The following FAIM variants were observed in gnomAD, a reference collection of about 807,000 sequenced individuals.
FAIM encodes Fas apoptotic inhibitory molecule.
Under a neutral mutation model 21.2 loss-of-function variants are expected in FAIM, and 14 were observed. That is an observed-to-expected ratio of 0.66 (90% CI 0.44 to 1.03). The LOEUF (loss-of-function observed/expected upper bound fraction) is 1.03, where lower values mean the gene tolerates loss of function less well. FAIM is among the 50% of genes least tolerant of loss of function. The pLI, the probability that FAIM is intolerant of heterozygous loss-of-function variation, is 0.00. For synonymous variants in FAIM, 86 were observed against 80.4 expected (o/e 1.07, Z -0.37); for missense variants, 222 against 247.1 (o/e 0.90, Z 0.68).
At chr3:138,609,551 T>A (rs1314392405) in intron 1 of FAIM, among the ~76,000 whole-genome samples, 2 of 69,260 alleles carry the variant, frequency 2.9e-5, no homozygotes, top group Non-Finnish European at 2.9e-5. Context: ...TCTCTCTCTC[T>A]CTCTCTCTCT....
At chr3:138,628,515 T>C (rs904936498) in intron 4 of FAIM, among the ~76,000 whole-genome samples, 9 of 151,688 alleles carry the variant, frequency 5.9e-5, no homozygotes, top group African/African-American at 1.9e-4. Context: ...GATGGAGTCT[T>C]TCTCTGTTGC....
At chr3:138,629,059 CT>C in intron 4 of FAIM, 47 bp from the exon 5 acceptor site, 1 of 1,415,888 alleles carries the variant, frequency 7.1e-7, no homozygotes, top group Non-Finnish European at 9.8e-7. Context: ...TTAACTTTAT[CT>C]TTAAATCACA....
At chr3:138,612,246 G>T (rs1031602437) in intron 1 of FAIM, among the ~76,000 whole-genome samples, 2 of 151,894 alleles carry the variant, frequency 1.3e-5, no homozygotes, top group Non-Finnish European at 2.9e-5. Context: ...GACTACAGGC[G>T]CCCGCCACCA....
intron 4 of FAIM, among the ~76,000 whole-genome samples, chr3:138,628,296 C>T (rs1014268800): frequency 2.7e-4 from 41 of 152,152 alleles, no homozygotes; most frequent in Non-Finnish European, 7.4e-5. Context: ...ATTTCTAAAG[C>T]GGACATGCTG....
chr3:138,619,804 G>T, intron 2 of FAIM, 34 bp downstream of exon 2: 1 of 1,560,320 alleles, frequency 6.4e-7, no homozygotes, highest in South Asian at 1.1e-5. Flanking sequence ...ACTAGCCTTT[G>T]ACATTTTCAA....
intron 5 of FAIM, among the ~76,000 whole-genome samples, chr3:138,632,060 T>C (rs1419698635): frequency 2.0e-5 from 3 of 152,002 alleles, no homozygotes; most frequent in Non-Finnish European, 4.4e-5. Context: ...TTTTATCCTC[T>C]AAGCCTCTTC....
chr3:138,618,750 C>A (rs1417273650), intron 1 of FAIM, among the ~76,000 whole-genome samples: 1 of 152,088 alleles, frequency 6.6e-6, no homozygotes, highest in Non-Finnish European at 1.5e-5. Flanking sequence ...CCATTTTTAA[C>A]CAGGAGAGAG....
At position 138,621,467 on chromosome 3, in the gene FAIM, T is replaced by G; in HGVS notation, c.105T>G (p.Ser35Arg). Residue 35 changes from serine (S) to arginine (R), a missense_variant, in exon 3 of 6, where the codon AGT becomes AGG. Coordinates refer to ENST00000360570, the MANE Select transcript of FAIM (RefSeq NM_001033031.2). The stretch of plus-strand genomic sequence containing the variant: ...TAGCTGTTTGGGATGTTGCTTTAAG[T>G]GACGGAGTCCACAAGATCGAATTTG... ...DLVAVWDVAL[S>R]DGVHKIEFEH... 6.2e-7 allele frequency: 1 copy of G among 1,613,936 alleles called. No individual in the cohort carries two copies. The highest frequency in any genetic ancestry group is 2.2e-5 in the East Asian group (1 of 44,870).
intron 4 of FAIM, among the ~76,000 whole-genome samples, chr3:138,628,588 C>CA (rs1488649042): frequency 1.3e-5 from 2 of 151,870 alleles, no homozygotes; most frequent in African/African-American, 2.4e-5. Context: ...AGGTTCACGC[C>CA]ATTCTCCTGC....
In FAIM at chr3:138,621,437, T is replaced by A. The variant is rs768985563; in HGVS notation, c.75T>A (p.Asp25Glu). The A allele has an allele frequency of 4.3e-6, 7 of 1,614,054 alleles. No homozygotes were observed. The Admixed American group carries it at 1.2e-4, about 27-fold the overall frequency. ...SPPYSLEKMT[D>E]LVAVWDVALS... The stretch of plus-strand genomic sequence containing the variant: ...CTTACAGCCTAGAAAAAATGACAGA[T>A]CTCGTAGCTGTTTGGGATGTTGCTT... Residue 25 changes from aspartate to glutamate, a missense_variant, in exon 3 of 6, where the codon GAT becomes GAA. By Grantham distance (45) the Asp-to-Glu change is conservative. Transcript: ENST00000360570.
At chr3:138,618,358 C>G (rs970224809) in intron 1 of FAIM, among the ~76,000 whole-genome samples, 12 of 151,954 alleles carry the variant, frequency 7.9e-5, no homozygotes, top group African/African-American at 2.9e-4. Context: ...TTTATGAGTG[C>G]TAATTTCTTC....
At chr3:138,619,128 G>A (rs1189738943) in intron 1 of FAIM, among the ~76,000 whole-genome samples, 1 of 152,202 alleles carries the variant, frequency 6.6e-6, no homozygotes, top group Non-Finnish European at 1.5e-5. Flanking sequence ...CTCTTTGAGA[G>A]CAGACCAGCA....
intron 4 of FAIM, among the ~76,000 whole-genome samples, chr3:138,627,180 T>A (rs2042948051): frequency 6.6e-6 from 1 of 151,602 alleles, no homozygotes; most frequent in African/African-American, 2.4e-5. Flanking sequence ...GTGGCTTTTT[T>A]ACTTTTTTTT....
chr3:138,611,049 G>A (rs764737445), intron 1 of FAIM: 25 of 1,598,884 alleles, frequency 1.6e-5, no homozygotes, highest in Non-Finnish European at 2.1e-5. Flanking sequence ...TTAGTGCCCT[G>A]CCCAGAGCCT....
At chr3:138,610,961 C>T (rs367804345) in intron 1 of FAIM, 4 of 1,613,108 alleles carry the variant, frequency 2.5e-6, no homozygotes, top group Non-Finnish European at 3.4e-6. Context: ...CTATCCTATG[C>T]TGCTTCCCTT....
chr3:138,619,390 T>A (rs1184947941), intron 1 of FAIM, among the ~76,000 whole-genome samples: 1 of 152,244 alleles, frequency 6.6e-6, no homozygotes, highest in African/African-American at 2.4e-5. Flanking sequence ...CTCTTAGGTC[T>A]CTTGCAGCTC....
chr3:138,615,647 C>A (rs372808716), intron 1 of FAIM, among the ~76,000 whole-genome samples: 14 of 152,256 alleles, frequency 9.2e-5, no homozygotes, highest in African/African-American at 3.4e-4. Flanking sequence ...CACTAGTGGG[C>A]ATATTTTTAC....
chr3:138,620,503 A>C (rs1320993572), intron 2 of FAIM, among the ~76,000 whole-genome samples: 1 of 152,178 alleles, frequency 6.6e-6, no homozygotes, highest in African/African-American at 2.4e-5. Flanking sequence ...TCCTTTATTT[A>C]TTTCTTATTT....
intron 4 of FAIM, among the ~76,000 whole-genome samples, chr3:138,624,394 A>T (rs2042918014): frequency 6.6e-6 from 1 of 152,172 alleles, no homozygotes; most frequent in Admixed American, 6.5e-5. Flanking sequence ...GGGCCTGCTT[A>T]TCTACTTGTG....
Sources: gnomAD v4.1 joint callset for allele counts (sites outside exome capture counted in the v4.1 genomes callset) on GRCh38, gnomAD v4.1.1 for gene constraint, MANE v1.5 for transcripts, NCBI Gene and HGNC (gene_info 2026-07-23, HGNC 2026-07-21) for gene names.